INTS6L: variants seen among roughly 807,000 people sequenced by gnomAD.
The protein encoded by INTS6L is integrator complex subunit 6-like.
INTS6L carries 18 observed loss-of-function variants against 64.7 expected under a neutral mutation model. The observed-to-expected ratio is 0.28, with a 90% CI of 0.19 to 0.41. INTS6L has a LOEUF of 0.41. Among genes scored for constraint, INTS6L ranks in the 10% least tolerant of loss-of-function variants. The probability of loss-of-function intolerance (pLI) is 1.00; values close to 1 mark genes in which losing one functional copy is unlikely to be tolerated. For synonymous variants in INTS6L, 227 were observed against 235.9 expected (o/e 0.96, Z 0.34); for missense variants, 533 against 661.0 (o/e 0.81, Z 2.12).
chrX:135,558,431 T>G (rs781803531), intron 9 of INTS6L, among the ~76,000 whole-genome samples: 90 of 112,032 alleles, frequency 8.0e-4, no homozygotes, highest in Admixed American at 2.0e-3. Flanking sequence ...GTGGTAGATA[T>G]ACATGCAATG....
rs2087333040 is a variant in INTS6L at position 135,580,070 on chromosome X, C to T, written c.2402C>T (p.Pro801Leu). ...DPVASTLGAM[P>L]NTLQITPAMA... ...GTAGCATCTACTTTGGGAGCTATGC[C>T]AAATACATTACAAATCACTCCTGCT... The change falls in exon 16 of 18, where the codon CCA becomes CTA. Residue 801 changes from proline to leucine, a missense_variant. Physicochemically the swap from Pro to Leu is moderately conservative, Grantham distance 98. Coordinates refer to ENST00000639893, the MANE Select transcript of INTS6L (RefSeq NM_001351601.3). The T allele has an allele frequency of 8.3e-7, 1 of 1,209,140 alleles. No individual in the cohort carries two copies. The highest frequency in any genetic ancestry group is 1.7e-5 in the African/African-American group (1 of 57,208).
At chrX:135,544,050 ATCTT>A (rs2086293463) in intron 2 of INTS6L, among the ~76,000 whole-genome samples, 1 of 112,320 alleles carries the variant, frequency 8.9e-6, no homozygotes, top group African/African-American at 3.2e-5. Context: ...CCTGGAGTGA[ATCTT>A]AACCAAGATC....
At chrX:135,523,992 TA>T (rs2085662929) in intron 2 of INTS6L, among the ~76,000 whole-genome samples, 1 of 112,189 alleles carries the variant, frequency 8.9e-6, no homozygotes, top group Non-Finnish European at 1.9e-5. Flanking sequence ...AGGTGATAAC[TA>T]CATGTTCTAG....
chrX:135,522,797 G>A (rs188120784), intron 2 of INTS6L, among the ~76,000 whole-genome samples: 8 of 112,199 alleles, frequency 7.1e-5, no homozygotes. Flanking sequence ...TTCTTTTTTC[G>A]ATAATTTGTT....
intron 6 of INTS6L, among the ~76,000 whole-genome samples, chrX:135,548,542 T>C (rs1291497586): frequency 9.0e-6 from 1 of 111,727 alleles, no homozygotes; most frequent in Non-Finnish European, 1.9e-5. Flanking sequence ...GTCATGTAAA[T>C]GGCACAGATT....
intron 2 of INTS6L, among the ~76,000 whole-genome samples, chrX:135,532,231 C>A (rs782337068): frequency 2.0e-4 from 22 of 112,040 alleles, no homozygotes; most frequent in Non-Finnish European, 3.2e-4. Context: ...AATATCTAGC[C>A]TTTAATATAG....
chrX:135,522,584 T>A (rs1264227244), intron 2 of INTS6L, among the ~76,000 whole-genome samples: 3 of 111,980 alleles, frequency 2.7e-5, no homozygotes, highest in African/African-American at 9.8e-5. Flanking sequence ...TTCCTCAGAA[T>A]AATCGTAATA....
intron 8 of INTS6L, 85 bp downstream of exon 8, chrX:135,552,231 A>C: frequency 8.1e-6 from 8 of 988,973 alleles, no homozygotes; most frequent in Non-Finnish European, 9.3e-6. Context: ...GGTTATTCTC[A>C]AAATAATTGG....
At position 135,556,176 on chromosome X, in the gene INTS6L, T is replaced by C; in HGVS notation, c.1068T>C (p.Val356=). 1 of 1,181,604 alleles carries C rather than the reference T, an allele frequency of 8.5e-7. No individual in the cohort carries two copies. Residue 356 remains valine, a synonymous_variant, in exon 9 of 18, where the codon GTT becomes GTC. Coordinates refer to ENST00000639893, the MANE Select transcript of INTS6L (RefSeq NM_001351601.3). The part of the protein sequence containing the change: ...KSPHTCWQVF[V]TSSGKYNELG... ...CTTCATGTTATTCTCAGGTATTTGTTACTAGCAGTGGAAAGTACAATGAAC... is the reference window on the plus strand; with the variant it reads ...CTTCATGTTATTCTCAGGTATTTGTCACTAGCAGTGGAAAGTACAATGAAC...
intron 2 of INTS6L, among the ~76,000 whole-genome samples, chrX:135,523,816 C>G (rs782013951): frequency 3.7e-4 from 42 of 112,068 alleles, no homozygotes; most frequent in Non-Finnish European, 5.8e-4. Flanking sequence ...ATCTTATATA[C>G]TACATTTTTT....
chrX:135,531,711 C>G (rs1485248638), intron 2 of INTS6L, among the ~76,000 whole-genome samples: 1 of 111,679 alleles, frequency 9.0e-6, no homozygotes, highest in Non-Finnish European at 1.9e-5. Context: ...ATCATATCAC[C>G]CTCCCCACCA....
At chrX:135,573,840 A>G (rs1410027714) in intron 12 of INTS6L, 99 bp from the exon 13 acceptor site, 1 of 978,590 alleles carries the variant, frequency 1.0e-6, no homozygotes, top group Non-Finnish European at 1.4e-6. Flanking sequence ...AGTTGTATTG[A>G]TATAACACTC....
At chrX:135,525,641 T>C (rs1556500706) in intron 2 of INTS6L, among the ~76,000 whole-genome samples, 1 of 112,631 alleles carries the variant, frequency 8.9e-6, no homozygotes, top group African/African-American at 3.2e-5. Context: ...TAAAATGATA[T>C]GTGTTACAGG....
intron 7 of INTS6L, among the ~76,000 whole-genome samples, chrX:135,551,040 A>G (rs782764202): frequency 1.8e-5 from 2 of 112,480 alleles, no homozygotes; most frequent in Admixed American, 1.9e-4. Flanking sequence ...CCATTCCTCC[A>G]TCTTTAAAAG....
At chrX:135,576,554 A>G (rs1556531062) in intron 14 of INTS6L, among the ~76,000 whole-genome samples, 1 of 111,318 alleles carries the variant, frequency 9.0e-6, no homozygotes, top group Non-Finnish European at 1.9e-5. Flanking sequence ...CTGGACAAGA[A>G]CAGCTCTTGG....
chrX:135,520,864 C>T lies in INTS6L; in HGVS notation c.-129C>T, dbSNP rs1167823531. On this transcript the variant is annotated 5_prime_UTR_variant, in exon 1 of 18. Transcript: ENST00000639893. The stretch of plus-strand genomic sequence containing the variant: ...CGGTCCCATCCGTCCCGTCCCGTCC[C>T]GTCTCCCCCTCTTCCTCTTGCTCCT... 1 of 673,388 alleles carries T rather than the reference C, an allele frequency of 1.5e-6. No homozygotes were observed. Among genetic ancestry groups the T allele is most frequent in the South Asian group, 2.5e-5 (1 of 39,991 alleles). The allele number at this position is 673,388 out of a possible 1,213,427, so 55.5% of individuals were successfully genotyped here.
At position 135,569,408 on chromosome X, in the gene INTS6L, A is replaced by G. The variant is rs1556526461; in HGVS notation, c.1264A>G (p.Thr422Ala). ...WRQAFDSYLK[T>A]LPPYYLLPLK... Reference sequence around the variant, plus strand: ...ACAGGCTTTTGACAGCTACTTAAAAACTCTGCCTCCATACTACCTATTAGT... The same window carrying G: ...ACAGGCTTTTGACAGCTACTTAAAAGCTCTGCCTCCATACTACCTATTAGT... Residue 422 changes from threonine (T) to alanine (A), a missense_variant, in exon 10 of 18, where the codon ACT (threonine) becomes GCT (alanine). Thr to Ala is a moderately conservative substitution (Grantham distance 58). Transcript: ENST00000639893. The G allele has an allele frequency of 3.4e-6, 4 of 1,184,511 alleles. No homozygotes were observed. The South Asian group carries it at 5.7e-5, about 17-fold the overall frequency.
At chrX:135,521,357 G>A (rs1209540210) in intron 2 of INTS6L, 39 bp downstream of exon 2, 3 of 1,159,461 alleles carry the variant, frequency 2.6e-6, no homozygotes, top group Admixed American at 2.5e-5. Context: ...CGGGAAGCGG[G>A]AGCAAGTCGG....
chrX:135,542,611 A>T (rs1422233166), intron 2 of INTS6L, among the ~76,000 whole-genome samples: 1 of 111,984 alleles, frequency 8.9e-6, no homozygotes, highest in Non-Finnish European at 1.9e-5. Flanking sequence ...TTCATTTCAT[A>T]TTCTGTATTC....
Sources: allele counts gnomAD v4.1 joint callset (sites outside exome capture counted in the v4.1 genomes callset), GRCh38; gene constraint gnomAD v4.1.1; transcripts MANE v1.5; gene names NCBI Gene and HGNC (gene_info 2026-07-23, HGNC 2026-07-21).